CSNK1G1: variants seen among roughly 807,000 people sequenced by gnomAD.
The protein encoded by CSNK1G1 is casein kinase I isoform gamma-1.
CSNK1G1 carries 22 observed loss-of-function variants against 59.6 expected under a neutral mutation model. That is an observed-to-expected ratio of 0.37 (90% CI 0.26 to 0.53). The LOEUF is 0.53. Among genes scored for constraint, CSNK1G1 ranks in the 20% least tolerant of loss-of-function variants. The probability of loss-of-function intolerance (pLI) is 0.89; values close to 1 mark genes in which losing one functional copy is unlikely to be tolerated. For synonymous variants in CSNK1G1, 179 were observed against 177.1 expected, an observed-to-expected ratio of 1.01 and a Z score of -0.08; for missense variants, 384 against 519.5, an observed-to-expected ratio of 0.74 and a Z score of 2.54.
At chr15:64,211,764 A>T (rs1426612694) in intron 6 of CSNK1G1, among the ~76,000 whole-genome samples, 9 of 152,216 alleles carry the variant, frequency 5.9e-5, no homozygotes, top group Non-Finnish European at 1.2e-4. Flanking sequence ...AGCTATTAAG[A>T]AAGAGCGCCA....
chr15:64,208,226 G>A (rs917147257), intron 6 of CSNK1G1, among the ~76,000 whole-genome samples: 7 of 152,144 alleles, frequency 4.6e-5, no homozygotes, highest in Non-Finnish European at 7.3e-5. Context: ...AGATGGGTAA[G>A]GCTACACACA....
At chr15:64,280,592 C>T (rs1596211999) in intron 2 of CSNK1G1, among the ~76,000 whole-genome samples, 3 of 152,200 alleles carry the variant, frequency 2.0e-5, no homozygotes, top group East Asian at 1.9e-4. Context: ...AATCTCCTGA[C>T]CTCATGATCT....
chr15:64,205,175 T>A (rs1483338875), intron 7 of CSNK1G1, among the ~76,000 whole-genome samples: 1 of 152,236 alleles, frequency 6.6e-6, no homozygotes, highest in African/African-American at 2.4e-5. Context: ...TATTTAGTTG[T>A]CTCAGATAAA....
rs1021185522 is a variant in CSNK1G1, at chr15:64,275,462, T to C, written c.182-16221A>G. 3.9e-5 allele frequency among the ~76,000 whole-genome samples: 6 copies of C among 152,220 alleles called. No individual in the cohort carries two copies. The East Asian group carries it at 1.2e-3, about 29-fold the overall frequency. On this transcript the variant is annotated intron_variant, in intron 2 of 11. Transcript: ENST00000303052. The stretch of plus-strand genomic sequence containing the variant: ...ACTTAATAGTATTAAAATATTAGTA[T>C]ACTATGCAGAAACATTTCCCAAATG...
At chr15:64,195,116 A>C (rs774128396) in intron 10 of CSNK1G1, 3 of 152,260 alleles carry the variant, frequency 2.0e-5, no homozygotes, top group Non-Finnish European at 4.4e-5. Context: ...TCTTTCCCTT[A>C]AACATATGCT....
chr15:64,199,919 A>C (rs1037225270), intron 10 of CSNK1G1, among the ~76,000 whole-genome samples: 1 of 152,190 alleles, frequency 6.6e-6, no homozygotes, highest in Admixed American at 6.5e-5. Context: ...GAGGTAAAAA[A>C]GAATTTTAAA....
intron 10 of CSNK1G1, among the ~76,000 whole-genome samples, chr15:64,182,801 AT>A (rs2081837109): frequency 6.6e-6 from 1 of 152,218 alleles, no homozygotes; most frequent in African/African-American, 2.4e-5. Flanking sequence ...AGTTTATTGC[AT>A]TTCCCTCCCG....
intron 2 of CSNK1G1, among the ~76,000 whole-genome samples, chr15:64,296,363 T>C (rs1371746067): frequency 6.6e-6 from 1 of 152,148 alleles, no homozygotes; most frequent in Non-Finnish European, 1.5e-5. Context: ...TCAAGTCATC[T>C]GCCTGCCTTG....
intron 1 of CSNK1G1, among the ~76,000 whole-genome samples, chr15:64,310,523 C>A (rs908392833): frequency 6.7e-6 from 1 of 149,696 alleles, no homozygotes; most frequent in African/African-American, 2.5e-5. Flanking sequence ...CAAGACCAAC[C>A]TGGGTGATGT....
intron 4 of CSNK1G1, among the ~76,000 whole-genome samples, chr15:64,241,088 T>TA (rs1227055010): frequency 3.9e-5 from 6 of 152,184 alleles, no homozygotes; most frequent in African/African-American, 1.4e-4. Context: ...GATGAACTGA[T>TA]AAAAAACGAT....
chr15:64,209,074 A>C (rs1240218540), intron 6 of CSNK1G1, among the ~76,000 whole-genome samples: 5 of 151,752 alleles, frequency 3.3e-5, no homozygotes, highest in Admixed American at 2.6e-4. Flanking sequence ...TTTTATAGTT[A>C]CTGGGTTTTG....
chr15:64,315,376 G>A lies in CSNK1G1; in HGVS notation c.-224-14653C>T, dbSNP rs555285379. On this transcript the variant is annotated intron_variant, in intron 1 of 11. Coordinates refer to ENST00000303052, the MANE Select transcript of CSNK1G1 (RefSeq NM_022048.5). ...GAGGTAGCAGGAGTCCATTGTTCAG[G>A]ATTTTATAGGTCACTGATAGTCCAA... 2.0e-5 allele frequency among the ~76,000 whole-genome samples: 3 copies of A among 152,254 alleles called. 1 individual carries two copies. The highest frequency in any genetic ancestry group is 4.1e-4 in the South Asian group (2 of 4,820).
chr15:64,243,320 A>C (rs1043267541), intron 4 of CSNK1G1, among the ~76,000 whole-genome samples: 8 of 152,146 alleles, frequency 5.3e-5, no homozygotes, highest in Non-Finnish European at 1.0e-4. Flanking sequence ...TGGGAGACAG[A>C]GCGAGACTCC....
At chr15:64,243,253 T>C (rs1039062413) in intron 4 of CSNK1G1, among the ~76,000 whole-genome samples, 1 of 151,978 alleles carries the variant, frequency 6.6e-6, no homozygotes, top group Non-Finnish European at 1.5e-5. Context: ...GGAGAATCGC[T>C]TGAACCAGGG....
chr15:64,263,962 C>A (rs1892845386), intron 2 of CSNK1G1, among the ~76,000 whole-genome samples: 1 of 151,622 alleles, frequency 6.6e-6, no homozygotes, highest in Admixed American at 6.6e-5. Context: ...CAGTAAATTT[C>A]CAGAGGACAG....
At chr15:64,262,018 T>C (rs1455285308) in intron 2 of CSNK1G1, among the ~76,000 whole-genome samples, 1 of 152,084 alleles carries the variant, frequency 6.6e-6, no homozygotes, top group Non-Finnish European at 1.5e-5. Flanking sequence ...ACATCAATGC[T>C]ATCTTAAAGT....
intron 1 of CSNK1G1, among the ~76,000 whole-genome samples, chr15:64,310,857 T>C (rs1001751627): frequency 1.3e-5 from 2 of 151,068 alleles, no homozygotes; most frequent in African/African-American, 2.4e-5. Context: ...ATACAAAAAT[T>C]AGCTGGGTGT....
chr15:64,347,100 A>G (rs1436204300), intron 1 of CSNK1G1, among the ~76,000 whole-genome samples: 3 of 152,212 alleles, frequency 2.0e-5, no homozygotes, highest in African/African-American at 4.8e-5. Flanking sequence ...ATACTACTAC[A>G]TATCTATTAG....
chr15:64,191,235 T>C (rs1290343342), intron 10 of CSNK1G1, among the ~76,000 whole-genome samples: 1 of 152,144 alleles, frequency 6.6e-6, no homozygotes, highest in Non-Finnish European at 1.5e-5. Context: ...AATTTTTTTA[T>C]ATTTTTAGTA....
Sources: gnomAD v4.1 joint callset for allele counts (sites outside exome capture counted in the v4.1 genomes callset) on GRCh38, gnomAD v4.1.1 for gene constraint, MANE v1.5 for transcripts, NCBI Gene and HGNC (gene_info 2026-07-23, HGNC 2026-07-21) for gene names.